The following KCNIP4 variants were observed in gnomAD, a reference collection of about 807,000 sequenced individuals.
KCNIP4 encodes the protein potassium voltage-gated channel interacting protein 4.
KCNIP4 carries 12 observed loss-of-function variants against 34.0 expected under a neutral mutation model. The ratio of observed to expected loss-of-function variants is 0.35; its 90% CI spans 0.23 to 0.57. The LOEUF is 0.57. Among genes scored for constraint, KCNIP4 ranks in the 20% least tolerant of loss-of-function variants. KCNIP4 has a pLI of 0.83. For missense variants in KCNIP4, 238 were observed against 311.7 expected (o/e 0.76, Z 1.78); for synonymous variants, 124 against 102.2 (o/e 1.21, Z -1.29).
intron 1 of KCNIP4, among the ~76,000 whole-genome samples, chr4:21,123,353 C>G (rs1302868226): frequency 6.6e-6 from 1 of 152,072 alleles, no homozygotes; most frequent in Non-Finnish European, 1.5e-5. Flanking sequence ...CAGAAACATC[C>G]CTGTCCTCAC....
intron 1 of KCNIP4, among the ~76,000 whole-genome samples, chr4:21,507,038 T>A (rs2109908777): frequency 6.6e-6 from 1 of 152,220 alleles, no homozygotes; most frequent in South Asian, 2.1e-4. Context: ...TCCTCCTGTC[T>A]CGGCCTCCCA....
chr4:21,481,718 C>G lies in KCNIP4; in HGVS notation c.61+466853G>C, dbSNP rs182076809. On this transcript the variant is annotated intron_variant, in intron 1 of 8. Coordinates refer to ENST00000382152, the MANE Select transcript of KCNIP4 (RefSeq NM_025221.6). ...AAGGGAAAAACACACGGCAGGTCCA[C>G]TATACGGGGCCACTTGTGGCTCATT... Among the ~76,000 whole-genome samples, 1,200 of 152,086 alleles carry G rather than the reference C, an allele frequency of 7.9e-3. 13 individuals carry two copies. The highest frequency in any genetic ancestry group is 0.028 in the African/African-American group (1,154 of 41,342).
At chr4:21,451,521 A>C (rs906718420) in intron 1 of KCNIP4, among the ~76,000 whole-genome samples, 2 of 152,186 alleles carry the variant, frequency 1.3e-5, no homozygotes, top group African/African-American at 4.8e-5. Context: ...AGAAATGAAA[A>C]AATCCCTATT....
intron 1 of KCNIP4, among the ~76,000 whole-genome samples, chr4:21,154,628 T>C (rs1453064575): frequency 6.6e-6 from 1 of 152,230 alleles, no homozygotes; most frequent in Non-Finnish European, 1.5e-5. Context: ...CCACCATTTA[T>C]ATTAAAAGTG....
intron 1 of KCNIP4, among the ~76,000 whole-genome samples, chr4:21,375,813 C>T (rs533613437): frequency 2.2e-4 from 33 of 152,038 alleles, no homozygotes; most frequent in African/African-American, 7.2e-4. Flanking sequence ...GTGATTGGCC[C>T]GCCTCAGCCT....
chr4:21,271,214 G>T (rs6825513), intron 1 of KCNIP4, among the ~76,000 whole-genome samples: 27,737 of 151,962 alleles, frequency 0.18, 3,280 homozygotes, highest in African/African-American at 0.32. Flanking sequence ...GCATTCAGGG[G>T]TCCCTCTGTA....
chr4:21,456,510 T>A lies in KCNIP4; in HGVS notation c.61+492061A>T, dbSNP rs986916111. Among the ~76,000 whole-genome samples the A allele has an allele frequency of 5.4e-5, 8 of 148,342 alleles. 1 individual carries two copies. The highest frequency in any genetic ancestry group is 1.2e-4 in the Non-Finnish European group (8 of 67,770). ...ATTTATATTTCTTTAAATCAACTTA[T>A]TTTTTATGTCTGGCCCTAGTAATTA... On this transcript the variant is annotated intron_variant, in intron 1 of 8. Coordinates refer to ENST00000382152, the MANE Select transcript of KCNIP4 (RefSeq NM_025221.6).
intron 1 of KCNIP4, among the ~76,000 whole-genome samples, chr4:21,225,851 C>T (rs1033869091): frequency 4.6e-5 from 7 of 152,120 alleles, no homozygotes; most frequent in South Asian, 2.1e-4. Flanking sequence ...AACTTGCCAA[C>T]GGCTTAATGC....
At chr4:21,565,331 T>G (rs1739784419) in intron 1 of KCNIP4, among the ~76,000 whole-genome samples, 1 of 152,098 alleles carries the variant, frequency 6.6e-6, no homozygotes, top group Non-Finnish European at 1.5e-5. Flanking sequence ...CTTTCGAAAG[T>G]GCTAATCTCA....
intron 4 of KCNIP4, among the ~76,000 whole-genome samples, chr4:20,751,148 T>G (rs1466226973): frequency 6.6e-6 from 1 of 152,232 alleles, no homozygotes; most frequent in African/African-American, 2.4e-5. Context: ...CAGTGGCATC[T>G]TCGCTCATCT....
intron 1 of KCNIP4, among the ~76,000 whole-genome samples, chr4:21,947,493 G>A (rs983724042): frequency 1.3e-5 from 2 of 152,120 alleles, no homozygotes; most frequent in African/African-American, 4.8e-5. Context: ...CTTAACTATT[G>A]GAGTGAGGAA....
rs36075428 is a variant in KCNIP4, at chr4:21,731,114, C to CAAA, written c.61+217454_61+217456dup. Among the ~76,000 whole-genome samples the CAAA allele has an allele frequency of 3.4e-3, 460 of 135,144 alleles. 2 individuals are homozygous for CAAA. Among genetic ancestry groups the CAAA allele is most frequent in the African/African-American group, 0.012 (431 of 35,902 alleles). The allele number at this position is 135,144 out of a possible 152,430, so 88.7% of individuals were successfully genotyped here. A position where few individuals can be genotyped will look rare whatever the true frequency, so the allele number is the denominator to read the frequency against. On this transcript the variant is annotated intron_variant, in intron 1 of 8. Transcript: ENST00000382152. ...GGGCAACTGAAGTAAGAACCTGTCT[C>CAAA]AAAAAAAAAAAAAAAATCCATTGTG...
intron 1 of KCNIP4, among the ~76,000 whole-genome samples, chr4:21,476,882 T>C (rs1731025499): frequency 6.6e-6 from 1 of 152,098 alleles, no homozygotes; most frequent in African/African-American, 2.4e-5. Flanking sequence ...AGGGTTTTCT[T>C]CCTTTTCTCC....
At chr4:21,788,491 G>A (rs1720058245) in intron 1 of KCNIP4, among the ~76,000 whole-genome samples, 1 of 152,098 alleles carries the variant, frequency 6.6e-6, no homozygotes, top group South Asian at 2.1e-4. Flanking sequence ...CTCATCTACA[G>A]CCTGGCTTGC....
chr4:20,989,177 A>G (rs1472725324), intron 1 of KCNIP4, among the ~76,000 whole-genome samples: 1 of 152,212 alleles, frequency 6.6e-6, no homozygotes, highest in East Asian at 1.9e-4. Context: ...AACTCTATTA[A>G]TCTATTTTTC....
intron 3 of KCNIP4, among the ~76,000 whole-genome samples, chr4:20,789,891 A>C (rs1352241322): frequency 1.3e-5 from 2 of 152,072 alleles, no homozygotes; most frequent in Non-Finnish European, 2.9e-5. Context: ...TTATACAGCA[A>C]AAGCTAACTT....
rs182856158 is a variant in KCNIP4, at chr4:21,273,879, G to A, written c.62-391170C>T. Among the ~76,000 whole-genome samples the A allele has an allele frequency of 5.5e-3, 834 of 152,248 alleles. 5 individuals are homozygous for A. The highest frequency in any genetic ancestry group is 9.0e-3 in the Non-Finnish European group (614 of 68,016). On this transcript the variant is annotated intron_variant, in intron 1 of 8. Transcript: ENST00000382152. ...TGCACGTGTGTATGTACATATGGAA[G>A]GTGTGTGTCTCCATTTGACTGGAGC... is the stretch of plus-strand genomic sequence containing the variant.
In KCNIP4 at chr4:20,892,915, A is replaced by G. The variant is rs61623889; in HGVS notation, c.62-10206T>C. On this transcript the variant is annotated intron_variant, in intron 1 of 8. Transcript: ENST00000382152. ...CAATTTTCCCTTGCTCCTCTGAACA[A>G]TTTGCCAAAACTACTTCTACAGGGC... is the stretch of plus-strand genomic sequence containing the variant. Among the ~76,000 whole-genome samples the G allele has an allele frequency of 8.5e-3, 1,301 of 152,288 alleles. 18 individuals carry two copies. The highest frequency in any genetic ancestry group is 0.073 in the East Asian group (376 of 5,164).
At chr4:20,960,532 A>C (rs756327101) in intron 1 of KCNIP4, among the ~76,000 whole-genome samples, 8 of 152,210 alleles carry the variant, frequency 5.3e-5, no homozygotes, top group Non-Finnish European at 1.2e-4. Flanking sequence ...TGCACCAGAA[A>C]ATATTTCACC....
Sources: allele counts gnomAD v4.1 joint callset (sites outside exome capture counted in the v4.1 genomes callset), GRCh38; gene constraint gnomAD v4.1.1; transcripts MANE v1.5; gene names NCBI Gene and HGNC (gene_info 2026-07-23, HGNC 2026-07-21).